C2CD5: variants seen among roughly 807,000 people sequenced by gnomAD.
C2CD5 encodes C2 calcium dependent domain containing 5, also known as C2 domain-containing protein 5.
A neutral mutation model predicts 130.3 loss-of-function variants in C2CD5; 109 were observed. The ratio of observed to expected loss-of-function variants is 0.84; its 90% CI spans 0.72 to 0.98. The LOEUF (loss-of-function observed/expected upper bound fraction) is 0.98, where lower values mean the gene tolerates loss of function less well. C2CD5 is among the 50% of genes least tolerant of loss of function. The probability of loss-of-function intolerance (pLI) is 0.00; values close to 1 mark genes in which losing one functional copy is unlikely to be tolerated. For missense variants in C2CD5, 996 were observed against 1,261.8 expected, an observed-to-expected ratio of 0.79 and a Z score of 3.19; for synonymous variants, 454 against 429.2, an observed-to-expected ratio of 1.06 and a Z score of -0.71.
chr12:22,500,119 G>A lies in C2CD5; in HGVS notation c.1147+6592C>T, dbSNP rs370068143. Among the ~76,000 whole-genome samples, 29 of 152,226 alleles carry A rather than the reference G, an allele frequency of 1.9e-4. 2 individuals are homozygous for A. The highest frequency in any genetic ancestry group is 7.0e-4 in the African/African-American group (29 of 41,560). The stretch of plus-strand genomic sequence containing the variant: ...AAATCACTTGAACCTGGGAGGCGGA[G>A]GTTGCAGTGAGCTGAGATCACGCCA... On this transcript the variant is annotated intron_variant, in intron 10 of 26. Transcript: ENST00000446597.
chr12:22,526,367 A>T (rs1243673490), intron 4 of C2CD5, among the ~76,000 whole-genome samples: 1 of 152,172 alleles, frequency 6.6e-6, no homozygotes, highest in Non-Finnish European at 1.5e-5. Flanking sequence ...ACATCAACCC[A>T]ATAAGGTAGT....
chr12:22,456,414 T>G (rs887534482), intron 25 of C2CD5, among the ~76,000 whole-genome samples: 1 of 152,180 alleles, frequency 6.6e-6, no homozygotes, highest in Non-Finnish European at 1.5e-5. Context: ...ATTCTGAACT[T>G]TTCCCACATC....
At chr12:22,519,339 A>G (rs915787853) in intron 7 of C2CD5, 2 of 1,005,648 alleles carry the variant, frequency 2.0e-6, no homozygotes, top group Non-Finnish European at 2.7e-6. Flanking sequence ...TAGTCAGGGA[A>G]GAGAACTTAT....
intron 14 of C2CD5, 67 bp from the exon 15 acceptor site, chr12:22,478,544 T>A: frequency 2.9e-6 from 4 of 1,386,040 alleles, no homozygotes; most frequent in Non-Finnish European, 4.0e-6. Flanking sequence ...TAAGTTTTCA[T>A]ATTTAAGAAT....
At chr12:22,477,508 CTTTT>C (rs397842140) in intron 15 of C2CD5, among the ~76,000 whole-genome samples, 246 of 152,070 alleles carry the variant, frequency 1.6e-3, no homozygotes, top group African/African-American at 5.5e-3. Context: ...GTTATACTTT[CTTTT>C]TTTATTTTTT....
chr12:22,514,152 T>C (rs972051919), intron 8 of C2CD5, among the ~76,000 whole-genome samples: 18 of 152,132 alleles, frequency 1.2e-4, no homozygotes, highest in African/African-American at 4.1e-4. Context: ...GGTCAAACAA[T>C]CATAGAAAGC....
At position 22,485,335 on chromosome 12, in the gene C2CD5, TG is replaced by T. The variant is rs1306051422; in HGVS notation, c.1359-448del. 7.2e-5 allele frequency among the ~76,000 whole-genome samples: 11 copies of T among 151,888 alleles called. No homozygotes were observed. The South Asian group carries it at 1.2e-3, about 17-fold the overall frequency. The stretch of plus-strand genomic sequence containing the variant: ...GGGTAGTGGCAGGCTGGAGGGAAGG[TG>T]GGGATGGCTAATGGGTACAAAAAAA... On this transcript the variant is annotated intron_variant, in intron 12 of 26. Transcript: ENST00000446597.
At chr12:22,531,642 T>C (rs941138420) in intron 3 of C2CD5, among the ~76,000 whole-genome samples, 1 of 152,248 alleles carries the variant, frequency 6.6e-6, no homozygotes, top group Non-Finnish European at 1.5e-5. Flanking sequence ...GAGATCCATT[T>C]GCTTGAAAAC....
At chr12:22,450,475 C>A (rs1938337062) in intron 26 of C2CD5, among the ~76,000 whole-genome samples, 1 of 152,060 alleles carries the variant, frequency 6.6e-6, no homozygotes, top group African/African-American at 2.4e-5. Context: ...GCCTGAAATA[C>A]TATATGGAAG....
At chr12:22,488,428 T>C (rs1250620087) in intron 12 of C2CD5, among the ~76,000 whole-genome samples, 1 of 151,764 alleles carries the variant, frequency 6.6e-6, no homozygotes, top group Non-Finnish European at 1.5e-5. Context: ...ATTTTCCTTG[T>C]TTTTTTCTTT....
chr12:22,516,928 A>C (rs952337906), intron 8 of C2CD5, among the ~76,000 whole-genome samples: 7 of 151,930 alleles, frequency 4.6e-5, no homozygotes, highest in African/African-American at 1.7e-4. Flanking sequence ...ATTTGTAGAC[A>C]TTATTCACAA....
At chr12:22,498,910 C>T (rs1342826220) in intron 10 of C2CD5, among the ~76,000 whole-genome samples, 1 of 151,950 alleles carries the variant, frequency 6.6e-6, no homozygotes, top group African/African-American at 2.4e-5. Context: ...TTCTTCTTGC[C>T]ACTTCCTGAA....
chr12:22,502,940 A>G (rs776755271), intron 10 of C2CD5: 1 of 584,962 alleles, frequency 1.7e-6, no homozygotes, highest in East Asian at 2.8e-5. Context: ...AGCAGAGTTA[A>G]TAAGAAGTAG....
chr12:22,501,148 T>C (rs940510545), intron 10 of C2CD5, among the ~76,000 whole-genome samples: 12 of 152,206 alleles, frequency 7.9e-5, no homozygotes, highest in Non-Finnish European at 8.8e-5. Context: ...AAGATTCTAA[T>C]TAATCAAAAG....
At chr12:22,541,738 C>T (rs1047771826) in intron 2 of C2CD5, among the ~76,000 whole-genome samples, 2 of 152,202 alleles carry the variant, frequency 1.3e-5, no homozygotes, top group Admixed American at 6.5e-5. Flanking sequence ...GTAGGTGTTC[C>T]CTGTTGTTCT....
chr12:22,532,505 C>T (rs1004393467), intron 3 of C2CD5, among the ~76,000 whole-genome samples: 15 of 152,108 alleles, frequency 9.9e-5, no homozygotes, highest in African/African-American at 3.4e-4. Context: ...TGCAAATTAG[C>T]AGGCACCAGA....
chr12:22,514,499 G>C (rs1461570575), intron 8 of C2CD5, among the ~76,000 whole-genome samples: 2 of 151,842 alleles, frequency 1.3e-5, no homozygotes, highest in Non-Finnish European at 2.9e-5. Context: ...TGAAATATCA[G>C]AAAATAGAGC....
chr12:22,537,994 G>A (rs747750078), intron 2 of C2CD5, among the ~76,000 whole-genome samples: 14 of 152,098 alleles, frequency 9.2e-5, no homozygotes, highest in Non-Finnish European at 1.5e-4. Context: ...CACTCCTGAC[G>A]TCATATATAG....
At chr12:22,540,690 C>T (rs192749491) in intron 2 of C2CD5, among the ~76,000 whole-genome samples, 2 of 152,138 alleles carry the variant, frequency 1.3e-5, no homozygotes, top group African/African-American at 4.8e-5. Context: ...GAAACCCCGT[C>T]GCTACTAAAA....
Sources: gnomAD v4.1 joint callset for allele counts (sites outside exome capture counted in the v4.1 genomes callset) on GRCh38, gnomAD v4.1.1 for gene constraint, MANE v1.5 for transcripts, NCBI Gene and HGNC (gene_info 2026-07-23, HGNC 2026-07-21) for gene names.